The following OGFOD3 variants were observed in gnomAD, a reference collection of about 807,000 sequenced individuals.
The protein encoded by OGFOD3 is 2-oxoglutarate and iron dependent oxygenase domain containing 3, also known as 2-oxoglutarate and iron-dependent oxygenase domain-containing protein 3.
Under a neutral mutation model 39.8 loss-of-function variants are expected in OGFOD3, and 35 were observed. That is an observed-to-expected ratio of 0.88 (90% confidence interval 0.67 to 1.17). The LOEUF is 1.17. Ranked by LOEUF, OGFOD3 falls within the 50% of genes most tolerant of loss-of-function variation. The pLI is 0.00. For missense variants in OGFOD3, 438 were observed against 454.5 expected, an observed-to-expected ratio of 0.96 and a Z score of 0.33; for synonymous variants, 200 against 192.0, an observed-to-expected ratio of 1.04 and a Z score of -0.34.
chr17:82,414,488 C>A (rs565892937), intron 2 of OGFOD3, among the ~76,000 whole-genome samples: 1 of 152,154 alleles, frequency 6.6e-6, no homozygotes, highest in South Asian at 2.1e-4. Context: ...TGAAAAATTT[C>A]TGCTCCGTGC....
In OGFOD3 at chr17:82,391,441, C is replaced by G. The variant is rs2052595712; in HGVS notation, c.*957G>C. 1 of 152,438 alleles carries G rather than the reference C, an allele frequency of 6.6e-6. No homozygotes were observed. Among genetic ancestry groups the G allele is most frequent in the African/African-American group, 2.4e-5 (1 of 41,472 alleles). 9.4% of individuals were successfully genotyped at this position (152,438 alleles called of 1,614,324 possible). ...CACTGCAACTTCTGCCCCCTGGGTT[C>G]AAGCGATTCTCCTGCCTCAGCCTCC... On this transcript the variant is annotated 3_prime_UTR_variant, in exon 9 of 9. Transcript: ENST00000313056. This position sits in a 1 kb window ranked among gnomAD's most constrained non-coding sequence, Gnocchi z 5.1.
intron 3 of OGFOD3, among the ~76,000 whole-genome samples, chr17:82,410,781 C>T (rs1203205580): frequency 1.6e-5 from 2 of 128,284 alleles, no homozygotes; most frequent in African/African-American, 3.0e-5. Context: ...TGCAATGGCT[C>T]AATCTCGGCT....
chr17:82,417,259 A>G (rs913962320), intron 1 of OGFOD3: 4 of 152,212 alleles, frequency 2.6e-5, no homozygotes, highest in African/African-American at 7.2e-5. Context: ...CCCAGAACTT[A>G]TTAACCTTAG....
At chr17:82,414,032 G>A (rs985472161) in intron 2 of OGFOD3, among the ~76,000 whole-genome samples, 4 of 152,274 alleles carry the variant, frequency 2.6e-5, no homozygotes, top group African/African-American at 7.2e-5. Context: ...TCGTGCAGCC[G>A]TCACTAGCAC....
Position 82,406,953 on chromosome 17 carries a change from C to T in OGFOD3, c.424-471G>A, listed in dbSNP as rs1484081085. On this transcript the variant is annotated intron_variant, in intron 4 of 8. Coordinates refer to ENST00000313056, the MANE Select transcript of OGFOD3 (RefSeq NM_024648.3). The surrounding 1 kb of genome is among the most constrained non-coding windows in gnomAD (Gnocchi z 5.2). ...CCCAGACCGGCCAGACGTGGTGGCT[C>T]ACACCTGCAATCCCAGCACTTTGGG... Among the ~76,000 whole-genome samples, 3 of 152,162 alleles carry T rather than the reference C, an allele frequency of 2.0e-5. No individual in the cohort carries two copies. In the East Asian group the frequency reaches 5.8e-4, roughly 29 times the overall value.
intron 1 of OGFOD3, among the ~76,000 whole-genome samples, chr17:82,416,136 T>TGAG (rs1273817147): frequency 1.3e-5 from 2 of 151,948 alleles, no homozygotes; most frequent in East Asian, 3.9e-4. Context: ...CTCAAGAGGC[T>TGAG]GAGGCAGGAG....
rs2052857144 is a variant in OGFOD3, at chr17:82,406,449, A to G, written c.457T>C (p.Ser153Pro). Reference sequence around the variant, plus strand: ...AGGTTCACAAAGTGCTTCCCGACAGACAGGGCCCCTGAGTGCAAGTCCAGA... The same window carrying G: ...AGGTTCACAAAGTGCTTCCCGACAGGCAGGGCCCCTGAGTGCAAGTCCAGA... ...SILDLHSGALSVGKHFVNLYR... is the reference protein window; with the variant it reads ...SILDLHSGALPVGKHFVNLYR... The change falls in exon 5 of 9, where the codon TCT becomes CCT. Residue 153 changes from serine (S) to proline (P), a missense_variant. Coordinates refer to ENST00000313056, the MANE Select transcript of OGFOD3 (RefSeq NM_024648.3). This position sits in a 1 kb window ranked among gnomAD's most constrained non-coding sequence, Gnocchi z 5.2. 3 of 1,614,190 alleles carry G rather than the reference A, an allele frequency of 1.9e-6. No homozygotes were observed. Among genetic ancestry groups the G allele is most frequent in the Non-Finnish European group, 1.7e-6 (2 of 1,180,026 alleles).
chr17:82,408,808 A>G (rs2052896785), intron 4 of OGFOD3, among the ~76,000 whole-genome samples: 1 of 152,156 alleles, frequency 6.6e-6, no homozygotes, highest in African/African-American at 2.4e-5. Context: ...TACATCTGCA[A>G]AGGTCCCTTT....
chr17:82,394,468 G>C (rs987101768), intron 8 of OGFOD3: 1 of 1,613,940 alleles, frequency 6.2e-7, no homozygotes, highest in Non-Finnish European at 8.5e-7. Flanking sequence ...TCCAGCCTTC[G>C]CACCAGCAGC....
intron 7 of OGFOD3, among the ~76,000 whole-genome samples, chr17:82,398,556 C>T (rs186690154): frequency 6.6e-6 from 1 of 152,280 alleles, no homozygotes; most frequent in East Asian, 1.9e-4. Context: ...CCCACCACCA[C>T]ACCCAGCTAA....
At position 82,403,917 on chromosome 17, in the gene OGFOD3, C is replaced by G. The variant is rs761436779; in HGVS notation, c.699+20G>C. The G allele has an allele frequency of 6.3e-7, 1 of 1,590,656 alleles. No individual in the cohort carries two copies. Among genetic ancestry groups the G allele is most frequent in the African/African-American group, 1.3e-5 (1 of 74,520 alleles). ...CACCTTGTCCACGGGCACGCTCACC[C>G]TGCCCACGGGCGCGCTCACCTTGTC... On this transcript the variant is annotated intron_variant, in intron 7 of 8. Coordinates refer to ENST00000313056, the MANE Select transcript of OGFOD3 (RefSeq NM_024648.3).
intron 8 of OGFOD3, chr17:82,394,574 A>G: frequency 2.5e-6 from 4 of 1,570,936 alleles, no homozygotes; most frequent in Non-Finnish European, 3.5e-6. Flanking sequence ...TTGTGTGGTA[A>G]AGGGTTGACT....
At chr17:82,412,355 G>T (rs113195801) in intron 2 of OGFOD3, among the ~76,000 whole-genome samples, 6,389 of 126,410 alleles carry the variant, frequency 0.051, 368 homozygotes, top group African/African-American at 0.065. Flanking sequence ...CAGGGGCATG[G>T]TTATCGGGGC....
chr17:82,407,972 A>G (rs1434520483), intron 4 of OGFOD3, among the ~76,000 whole-genome samples: 1 of 152,094 alleles, frequency 6.6e-6, no homozygotes, highest in Non-Finnish European at 1.5e-5. Context: ...GTGAAACCTC[A>G]TCTCTATTTA....
chr17:82,412,314 C>G (rs2052960976), intron 2 of OGFOD3, among the ~76,000 whole-genome samples: 6 of 124,266 alleles, frequency 4.8e-5, no homozygotes, highest in African/African-American at 1.9e-4. Context: ...ACAGGAGCAA[C>G]ACGGTCGGGG....
At position 82,404,412 on chromosome 17, in the gene OGFOD3, G is replaced by A. The variant is rs2052819681; in HGVS notation, c.546-322C>T. ...CAGAGCCTCCAGGCTTCACTTGCAG[G>A]GCCTGGAGCCCAGCCTCCTATTCAG... On this transcript the variant is annotated intron_variant, in intron 6 of 8. Coordinates refer to ENST00000313056, the MANE Select transcript of OGFOD3 (RefSeq NM_024648.3). The surrounding 1 kb of genome is among the most constrained non-coding windows in gnomAD (Gnocchi z 4.5). Among the ~76,000 whole-genome samples the A allele has an allele frequency of 6.6e-6, 1 of 152,196 alleles. No individual in the cohort carries two copies. Among genetic ancestry groups the A allele is most frequent in the Non-Finnish European group, 1.5e-5 (1 of 68,020 alleles).
At chr17:82,418,369 T>TGTC in intron 1 of OGFOD3, 43 bp downstream of exon 1, 1 of 1,251,666 alleles carries the variant, frequency 8.0e-7, no homozygotes, top group Non-Finnish European at 1.1e-6. Flanking sequence ...TCCATGGCCC[T>TGTC]GTCCGCCGCC....
intron 3 of OGFOD3, among the ~76,000 whole-genome samples, chr17:82,409,863 C>G (rs2143271900): frequency 6.6e-6 from 1 of 152,208 alleles, no homozygotes; most frequent in Non-Finnish European, 1.5e-5. Flanking sequence ...CCACTGCACT[C>G]CAGCCTGGAC....
intron 4 of OGFOD3, among the ~76,000 whole-genome samples, chr17:82,407,752 C>G (rs2052877939): frequency 6.6e-6 from 1 of 152,256 alleles, no homozygotes; most frequent in Non-Finnish European, 1.5e-5. Flanking sequence ...AGGACAACTT[C>G]CCATGTGAAC....
Sources: gnomAD v4.1 joint callset for allele counts (sites outside exome capture counted in the v4.1 genomes callset) on GRCh38, gnomAD v4.1.1 for gene constraint, Gnocchi (gnomAD v3.1) non-coding constraint, MANE v1.5 for transcripts, NCBI Gene and HGNC (gene_info 2026-07-23, HGNC 2026-07-21) for gene names.